ATP9B: variants seen among roughly 807,000 people sequenced by gnomAD.
The protein encoded by ATP9B is ATPase phospholipid transporting 9B.
In ATP9B, 110 loss-of-function variants were observed where a neutral mutation model predicts 146.1. That is an observed-to-expected ratio of 0.75 (90% CI 0.65 to 0.88). The LOEUF is 0.88. Ranked by LOEUF, ATP9B falls within the 40% of genes least tolerant of loss-of-function variation. The pLI is 0.00. For missense variants in ATP9B, 1,499 were observed against 1,496.4 expected (o/e 1.00, Z -0.03); for synonymous variants, 604 against 569.7 (o/e 1.06, Z -0.86).
intron 8 of ATP9B, among the ~76,000 whole-genome samples, chr18:79,188,282 GT>G (rs2095327962): frequency 6.6e-6 from 1 of 152,164 alleles, no homozygotes; most frequent in Non-Finnish European, 1.5e-5. Flanking sequence ...AATATATATG[GT>G]TGCTGAAATT....
chr18:79,133,143 C>T (rs765960109), intron 5 of ATP9B, among the ~76,000 whole-genome samples: 4 of 152,152 alleles, frequency 2.6e-5, no homozygotes, highest in Admixed American at 6.5e-5. Flanking sequence ...GCACCCGCCT[C>T]AGCCTCTCAG....
At chr18:79,365,063 G>GT (rs534594095) in intron 26 of ATP9B, among the ~76,000 whole-genome samples, 343 of 152,086 alleles carry the variant, frequency 2.3e-3, no homozygotes, top group South Asian at 6.2e-3. Flanking sequence ...GAATGATACT[G>GT]TTAATGAAAA....
chr18:79,143,827 C>A lies in ATP9B; in HGVS notation c.693C>A (p.Asp231Glu). Residue 231 changes from aspartate (D) to glutamate (E), a missense_variant, in exon 6 of 30, where the codon GAC (aspartate) becomes GAA (glutamate). By Grantham distance (45) the Asp-to-Glu change is conservative. Transcript: ENST00000426216. The stretch of plus-strand genomic sequence containing the variant: ...GTAAAGTGCAAGTTAAGAGTTCAGA[C>A]ATACAAGTTGGAGACCTCATCATAG... ...VRGKVQVKSS[D>E]IQVGDLIIVE... 6.3e-7 allele frequency: 1 copy of A among 1,587,996 alleles called. No individual in the cohort carries two copies. The highest frequency in any genetic ancestry group is 8.5e-7 in the Non-Finnish European group (1 of 1,169,764).
intron 13 of ATP9B, among the ~76,000 whole-genome samples, chr18:79,296,607 CAG>C (rs1300660485): frequency 6.6e-6 from 1 of 152,178 alleles, no homozygotes; most frequent in Non-Finnish European, 1.5e-5. Context: ...GGATTCCACA[CAG>C]AAAATATTTT....
At chr18:79,281,468 G>T (rs574303346) in intron 13 of ATP9B, among the ~76,000 whole-genome samples, 3 of 152,108 alleles carry the variant, frequency 2.0e-5, no homozygotes, top group East Asian at 3.9e-4. Flanking sequence ...TTGCATGCCA[G>T]CCTGGGCAAC....
At chr18:79,323,955 C>T (rs1234594090) in intron 15 of ATP9B, among the ~76,000 whole-genome samples, 1 of 152,206 alleles carries the variant, frequency 6.6e-6, no homozygotes, top group East Asian at 1.9e-4. Flanking sequence ...CCCTCGCCAG[C>T]ATTTGAATTG....
At chr18:79,245,494 T>C (rs1174044144) in intron 11 of ATP9B, among the ~76,000 whole-genome samples, 1 of 152,166 alleles carries the variant, frequency 6.6e-6, no homozygotes, top group Non-Finnish European at 1.5e-5. Flanking sequence ...GTTATCAACT[T>C]AGTTTTTAGC....
chr18:79,175,768 A>ATGTGCACACACAGATACGCT (rs1555727870), intron 7 of ATP9B, among the ~76,000 whole-genome samples: 1 of 151,968 alleles, frequency 6.6e-6, no homozygotes, highest in Admixed American at 6.5e-5. Flanking sequence ...GTACACATGC[A>ATGTGCACACACAGATACGCT]TGTGCACACA....
At chr18:79,121,677 G>C (rs1044361941) in intron 4 of ATP9B, among the ~76,000 whole-genome samples, 19 of 152,218 alleles carry the variant, frequency 1.2e-4, no homozygotes, top group African/African-American at 4.6e-4. Context: ...GGGGATGGAC[G>C]TGATGGTGGT....
rs73971584 is a variant in ATP9B at position 79,229,264 on chromosome 18, G to A, written c.1107+15226G>A. Among the ~76,000 whole-genome samples, 1,155 of 152,220 alleles carry A rather than the reference G, an allele frequency of 7.6e-3. 14 individuals carry two copies. The highest frequency in any genetic ancestry group is 0.018 in the African/African-American group (739 of 41,538). ...CAACAAAAAGCAAATCAAATATAAC[G>A]GTACCACATAAGGTTCATTAACCTG... is the stretch of plus-strand genomic sequence containing the variant. On this transcript the variant is annotated intron_variant, in intron 11 of 29. Coordinates refer to ENST00000426216, the MANE Select transcript of ATP9B (RefSeq NM_198531.5).
At position 79,113,294 on chromosome 18, in the gene ATP9B, C is replaced by T; in HGVS notation, c.498C>T (p.Ser166=). Reference sequence around the variant, plus strand: ...TGAATCTCTATTTTCTAGTAATATCCTGCTCACAGTTTGTACCAGCATTGA... The same window carrying T: ...TGAATCTCTATTTTCTAGTAATATCTTGCTCACAGTTTGTACCAGCATTGA... ...FFLNLYFLVI[S]CSQFVPALKI... is the part of the protein sequence containing the mutation. The change falls in exon 4 of 30, where the codon TCC becomes TCT. Residue 166 remains serine (S), a synonymous_variant. Coordinates refer to ENST00000426216, the MANE Select transcript of ATP9B (RefSeq NM_198531.5). 1 of 1,602,078 alleles carries T rather than the reference C, an allele frequency of 6.2e-7. No individual in the cohort carries two copies. Among genetic ancestry groups the T allele is most frequent in the East Asian group, 2.2e-5 (1 of 44,622 alleles).
At chr18:79,202,817 T>C (rs2095500738) in intron 9 of ATP9B, among the ~76,000 whole-genome samples, 1 of 152,226 alleles carries the variant, frequency 6.6e-6, no homozygotes, top group South Asian at 2.1e-4. Flanking sequence ...GACAGAAACA[T>C]TCATATGGAA....
chr18:79,216,968 A>G (rs906323708), intron 11 of ATP9B, among the ~76,000 whole-genome samples: 5 of 152,082 alleles, frequency 3.3e-5, no homozygotes, highest in African/African-American at 1.2e-4. Context: ...CAGCTTGGAG[A>G]ACATTGACCA....
At chr18:79,075,503 A>T (rs1054224597) in intron 1 of ATP9B, among the ~76,000 whole-genome samples, 4 of 152,176 alleles carry the variant, frequency 2.6e-5, no homozygotes, top group Admixed American at 2.0e-4. Flanking sequence ...TGGTGCATAC[A>T]CATTTGAGAT....
chr18:79,286,931 C>T lies in ATP9B; in HGVS notation c.1411+9735C>T, dbSNP rs184782870. 2.4e-4 allele frequency among the ~76,000 whole-genome samples: 37 copies of T among 152,206 alleles called. No homozygotes were observed. The South Asian group carries it at 4.8e-3, about 20-fold the overall frequency. On this transcript the variant is annotated intron_variant, in intron 13 of 29. Coordinates refer to ENST00000426216, the MANE Select transcript of ATP9B (RefSeq NM_198531.5). ...ATGCTGGATTACATTTATTGATTTG[C>T]GTATATTGAACCAGCCTTGCATCCC...
At position 79,263,395 on chromosome 18, in the gene ATP9B, TTGCAGG is replaced by T. The variant is rs959523384; in HGVS notation, c.1268+9860_1268+9865del. On this transcript the variant is annotated intron_variant, in intron 12 of 29. Coordinates refer to ENST00000426216, the MANE Select transcript of ATP9B (RefSeq NM_198531.5). ...ATACTGTGTTTTGATGCATGTTTGG[TTGCAGG>T]TGCAGAGCCCTCAGATACGGAGGGT... Among the ~76,000 whole-genome samples, 20 of 152,340 alleles carry T rather than the reference TTGCAGG, an allele frequency of 1.3e-4. 1 individual carries two copies. The East Asian group carries it at 1.4e-3, about 10-fold the overall frequency.
At position 79,107,450 on chromosome 18, in the gene ATP9B, G is replaced by C. The variant is rs531060509; in HGVS notation, c.294-2905G>C. Among the ~76,000 whole-genome samples, 7 of 152,282 alleles carry C rather than the reference G, an allele frequency of 4.6e-5. No individual in the cohort carries two copies. In the South Asian group the frequency reaches 1.0e-3, roughly 23 times the overall value. On this transcript the variant is annotated intron_variant, in intron 2 of 29. Coordinates refer to ENST00000426216, the MANE Select transcript of ATP9B (RefSeq NM_198531.5). The stretch of plus-strand genomic sequence containing the variant: ...ACTCTTTGTGCCCAAGCTACTGTTG[G>C]GAGGAGGGTGACCTTTTGAGTGGGA...
chr18:79,290,662 C>G (rs1311454747), intron 13 of ATP9B, among the ~76,000 whole-genome samples: 1 of 152,224 alleles, frequency 6.6e-6, no homozygotes, highest in African/African-American at 2.4e-5. Context: ...GTGAGATGAA[C>G]CCGGTACCTC....
chr18:79,332,151 T>C (rs141980344), intron 17 of ATP9B, among the ~76,000 whole-genome samples: 3,128 of 152,300 alleles, frequency 0.021, 60 homozygotes, highest in Non-Finnish European at 0.032. Context: ...AATCATGGGC[T>C]GGGTACGGTG....
Sources: allele counts gnomAD v4.1 joint callset (sites outside exome capture counted in the v4.1 genomes callset), GRCh38; gene constraint gnomAD v4.1.1; transcripts MANE v1.5; gene names NCBI Gene and HGNC (gene_info 2026-07-23, HGNC 2026-07-21).